Variants in DNAH12 observed in about 807,000 individuals in gnomAD.
DNAH12 encodes the protein axonemal beta dynein heavy chain 12.
A neutral mutation model predicts 371.5 loss-of-function variants in DNAH12; 285 were observed. The observed-to-expected ratio is 0.77, with a 90% confidence interval of 0.70 to 0.85. The LOEUF (loss-of-function observed/expected upper bound fraction) is 0.85, where lower values mean the gene tolerates loss of function less well. Among genes scored for constraint, DNAH12 ranks in the 40% least tolerant of loss-of-function variants. DNAH12 has a pLI of 0.00. For synonymous variants in DNAH12, 1,200 were observed against 1,213.0 expected (o/e 0.99, Z 0.22); for missense variants, 3,611 against 3,689.4 (o/e 0.98, Z 0.55).
chr3:57,447,013 G>A (rs1231594053), intron 25 of DNAH12, among the ~76,000 whole-genome samples: 3 of 152,152 alleles, frequency 2.0e-5, no homozygotes, highest in Non-Finnish European at 2.9e-5. Flanking sequence ...TGGTTGTGGA[G>A]GACAATAATG....
intron 29 of DNAH12, among the ~76,000 whole-genome samples, chr3:57,440,028 A>G (rs2065255276): frequency 6.6e-6 from 1 of 152,226 alleles, no homozygotes; most frequent in Non-Finnish European, 1.5e-5. Flanking sequence ...TAAGAACAAC[A>G]GATGCTGGCA....
intron 45 of DNAH12, 26 bp downstream of exon 45, chr3:57,391,846 C>G (rs1023690048): frequency 1.3e-5 from 2 of 152,466 alleles, no homozygotes; most frequent in African/African-American, 2.4e-5. Flanking sequence ...AGTTGCCTCC[C>G]CCTCCAACCA....
chr3:57,391,115 T>C (rs1271900776), intron 45 of DNAH12, among the ~76,000 whole-genome samples: 1 of 152,214 alleles, frequency 6.6e-6, no homozygotes. Flanking sequence ...GACTGGGCTA[T>C]GAGGTTCCCA....
In DNAH12 at chr3:57,504,104, T is replaced by A. The variant is rs1415248310; in HGVS notation, c.998A>T (p.Asp333Val). ...LPIFKIELTF[D>V]DDKMEFYPTF... is the part of the protein sequence containing the mutation. ...AGGATAAAATTCCATTTTGTCGTCA[T>A]CAAATGTCAATTCTATCTTAAATAT... Residue 333 changes from aspartate (D) to valine (V), a missense_variant, in exon 9 of 74, where the codon GAT becomes GTT. This residue lies in a region of DNAH12 where 1,314 missense variants were observed against 1,398.7 expected (regional missense o/e 0.94). Coordinates refer to ENST00000495027, the MANE Select transcript of DNAH12 (RefSeq NM_001366028.2). 4 of 1,613,912 alleles carry A rather than the reference T, an allele frequency of 2.5e-6. No individual in the cohort carries two copies. The highest frequency in any genetic ancestry group is 1.3e-5 in the African/African-American group (1 of 74,940).
chr3:57,553,888 G>A, the DNAH12 span, among the ~76,000 whole-genome samples: 5 of 149,908 alleles, frequency 3.3e-5, no homozygotes, highest in East Asian at 8.0e-4. Flanking sequence ...GCAGTGGCGC[G>A]ATCTCGGCTC....
chr3:57,465,140 T>A (rs1046856579), intron 17 of DNAH12, among the ~76,000 whole-genome samples: 2 of 152,146 alleles, frequency 1.3e-5, no homozygotes, highest in African/African-American at 2.4e-5. Context: ...ATAGCCTGTG[T>A]CCTGGAAGTT....
At chr3:57,526,150 T>A (rs1341194828) in intron 2 of DNAH12, among the ~76,000 whole-genome samples, 1 of 152,136 alleles carries the variant, frequency 6.6e-6, no homozygotes, top group Non-Finnish European at 1.5e-5. Context: ...TAACCAGCCT[T>A]CTACAATCTA....
At position 57,293,903 on chromosome 3, in the gene DNAH12, CT is replaced by C; in HGVS notation, c.11760del (p.Gly3921GlufsTer18). 6.5e-7 allele frequency: 1 copy of C among 1,540,324 alleles called. No homozygotes were observed. The highest frequency in any genetic ancestry group is 1.2e-5 in the South Asian group (1 of 82,028). ...GAATGTCCCGTAGTGGAAAGAGTTC[CT>C]TTACGTTCACTTGTCTTGTAGAGGG... ...VCPLYKTSER[K>X]GTLSTTGHST... On this transcript the variant is annotated frameshift_variant, in exon 74 of 74. Transcript: ENST00000495027. LOFTEE classifies it high-confidence loss of function.
chr3:57,421,791 G>A, intron 35 of DNAH12, 85 bp from the exon 36 acceptor site: 1 of 1,434,958 alleles, frequency 7.0e-7, no homozygotes, highest in South Asian at 1.2e-5. Context: ...CAATATATTA[G>A]GATATGCTCA....
intron 26 of DNAH12, 34 bp from the exon 27 acceptor site, chr3:57,446,304 C>A: frequency 6.5e-7 from 1 of 1,536,888 alleles, no homozygotes; most frequent in Non-Finnish European, 8.8e-7. Flanking sequence ...TGATTTTTTT[C>A]TCAGGAAAGG....
chr3:57,324,157 A>C (rs2061876538), intron 62 of DNAH12, among the ~76,000 whole-genome samples: 1 of 152,218 alleles, frequency 6.6e-6, no homozygotes, highest in Non-Finnish European at 1.5e-5. Flanking sequence ...AGCATGAAAG[A>C]ACCTGAGTTT....
At chr3:57,342,927 G>C (rs547804062) in intron 60 of DNAH12, among the ~76,000 whole-genome samples, 12 of 152,080 alleles carry the variant, frequency 7.9e-5, no homozygotes, top group African/African-American at 2.9e-4. Context: ...ACAAAAATTA[G>C]CCAAGCATGG....
intron 12 of DNAH12, among the ~76,000 whole-genome samples, chr3:57,484,471 A>G (rs1206348563): frequency 6.6e-6 from 1 of 152,164 alleles, no homozygotes; most frequent in Non-Finnish European, 1.5e-5. Context: ...CACCCTATTC[A>G]ATAAATAGTG....
intron 50 of DNAH12, among the ~76,000 whole-genome samples, chr3:57,381,219 C>T (rs1021856002): frequency 2.2e-5 from 3 of 138,056 alleles, no homozygotes; most frequent in African/African-American, 5.3e-5. Flanking sequence ...TTTCTACTTC[C>T]GGAAGCCTGA....
intron 39 of DNAH12, among the ~76,000 whole-genome samples, chr3:57,409,105 A>T (rs942770250): frequency 8.5e-5 from 13 of 152,206 alleles, no homozygotes; most frequent in Middle Eastern, 3.2e-3. Context: ...ACATTTTGTT[A>T]TAGAAAGGGA....
At chr3:57,383,531 A>G (rs2063438882) in intron 49 of DNAH12, among the ~76,000 whole-genome samples, 2 of 151,810 alleles carry the variant, frequency 1.3e-5, no homozygotes, top group African/African-American at 4.8e-5. Context: ...AGCTGCTGTA[A>G]TAAATCTCTA....
At position 57,419,535 on chromosome 3, in the gene DNAH12, GT is replaced by G; in HGVS notation, c.5563-18del. 1 of 1,413,810 alleles carries G rather than the reference GT, an allele frequency of 7.1e-7. No individual in the cohort carries two copies. The highest frequency in any genetic ancestry group is 9.2e-7 in the Non-Finnish European group (1 of 1,081,726). The allele number at this position is 1,413,810 out of a possible 1,614,324, so 87.6% of individuals were successfully genotyped here. A position where few individuals can be genotyped will look rare whatever the true frequency, so the allele number is the denominator to read the frequency against. On this transcript the variant is annotated intron_variant, in intron 36 of 73. Transcript: ENST00000495027. ...GTTTTTCAACTACAAGAAAATATAA[GT>G]TTTAAAATATTAAAACCATGTACTT...
intron 4 of DNAH12, among the ~76,000 whole-genome samples, chr3:57,514,414 T>G (rs1259278521): frequency 2.5e-4 from 37 of 145,630 alleles, no homozygotes; most frequent in African/African-American, 7.3e-4. Flanking sequence ...AAAAGAAAAA[T>G]AAATAAACAA....
In DNAH12 at chr3:57,352,656, T is replaced by TAA. The variant is rs1400315377; in HGVS notation, c.9534-433_9534-432dup. ...AAGTGACTGAAGACAATCAGTTAAT[T>TAA]AAAAAAAAAAATGCCTATTAAATCT... is the stretch of plus-strand genomic sequence containing the variant. On this transcript the variant is annotated intron_variant, in intron 59 of 73. Coordinates refer to ENST00000495027, the MANE Select transcript of DNAH12 (RefSeq NM_001366028.2). Among the ~76,000 whole-genome samples, 223 of 146,968 alleles carry TAA rather than the reference T, an allele frequency of 1.5e-3. 1 individual carries two copies. Among genetic ancestry groups the TAA allele is most frequent in the African/African-American group, 5.2e-3 (209 of 40,316 alleles).
Sources: allele counts gnomAD v4.1 joint callset (sites outside exome capture counted in the v4.1 genomes callset), GRCh38; gene constraint gnomAD v4.1.1; regional missense constraint gnomAD v4.1.1; transcripts MANE v1.5; gene names NCBI Gene and HGNC (gene_info 2026-07-23, HGNC 2026-07-21).